The following DISC1 variants were observed in gnomAD, a reference collection of about 807,000 sequenced individuals.
The protein encoded by DISC1 is DISC1 scaffold protein, also known as disrupted in schizophrenia 1 protein.
A neutral mutation model predicts 84.5 loss-of-function variants in DISC1; 57 were observed. That is an observed-to-expected ratio of 0.67 (90% CI 0.55 to 0.84). The LOEUF (loss-of-function observed/expected upper bound fraction) is 0.84. DISC1 is among the 40% of genes least tolerant of loss of function. The pLI is 0.00. For synonymous variants in DISC1, 411 were observed against 415.2 expected, an observed-to-expected ratio of 0.99 and a Z score of 0.12; for missense variants, 1,000 against 1,057.8, an observed-to-expected ratio of 0.95 and a Z score of 0.76.
chr1:231,723,184 T>C (rs2070103366), intron 3 of DISC1: 1 of 850,890 alleles, frequency 1.2e-6, no homozygotes, highest in Non-Finnish European at 1.4e-6. Flanking sequence ...ACTTGGCGAA[T>C]GCTGTATTTT....
At chr1:231,984,493 A>T (rs1180178632) in intron 10 of DISC1, among the ~76,000 whole-genome samples, 1 of 152,190 alleles carries the variant, frequency 6.6e-6, no homozygotes, top group African/African-American at 2.4e-5. Context: ...TCCCTAGTGG[A>T]TGGGGGGCGT....
intron 9 of DISC1, among the ~76,000 whole-genome samples, chr1:231,903,063 C>A (rs2088315864): frequency 7.0e-6 from 1 of 143,356 alleles, no homozygotes; most frequent in Admixed American, 7.2e-5. Context: ...CCTTTTCTCT[C>A]TCTCATTTTT....
In DISC1 at chr1:231,861,134, G is replaced by T. The variant is rs118143572; in HGVS notation, c.1981+42617G>T. On this transcript the variant is annotated intron_variant, in intron 9 of 12. Transcript: ENST00000439617. ...AACATGAGAAACAGGAGCTTCATCTGGGCTCTGTGATGGTGCCGTTGTATG... is the reference window on the plus strand; with the variant it reads ...AACATGAGAAACAGGAGCTTCATCTTGGCTCTGTGATGGTGCCGTTGTATG... Among the ~76,000 whole-genome samples the T allele has an allele frequency of 8.7e-4, 133 of 152,250 alleles. 1 individual carries two copies. The East Asian group carries it at 0.022, about 25-fold the overall frequency.
chr1:231,833,929 T>C (rs559239912), intron 9 of DISC1, among the ~76,000 whole-genome samples: 367 of 152,250 alleles, frequency 2.4e-3, no homozygotes, highest in Non-Finnish European at 4.2e-3. Flanking sequence ...CCAGAGCAGA[T>C]TGGGTAATAA....
At chr1:231,680,470 A>G (rs192585516) in intron 1 of DISC1, among the ~76,000 whole-genome samples, 11 of 152,316 alleles carry the variant, frequency 7.2e-5, no homozygotes, top group Admixed American at 4.6e-4. Flanking sequence ...GTGGATCACT[A>G]TAACATAGGA....
rs567536924 is a variant in DISC1, at chr1:231,987,568, G to A, written c.2043-21217G>A. 2.6e-5 allele frequency among the ~76,000 whole-genome samples: 4 copies of A among 152,320 alleles called. No individual in the cohort carries two copies. In the South Asian group the frequency reaches 8.3e-4, roughly 32 times the overall value. The stretch of plus-strand genomic sequence containing the variant: ...TCTAAATAGTTTTCCAGAGGTGATA[G>A]ATGAAAGCCAGACAAGAAAAAAATA... On this transcript the variant is annotated intron_variant, in intron 10 of 12. Transcript: ENST00000439617.
At chr1:231,687,997 A>G (rs576517755) in intron 1 of DISC1, among the ~76,000 whole-genome samples, 73 of 152,324 alleles carry the variant, frequency 4.8e-4, no homozygotes, top group Non-Finnish European at 9.6e-4. Flanking sequence ...GGAAAATTCA[A>G]TGGAAGCCTC....
At chr1:231,772,412 C>T (rs199834531) in intron 6 of DISC1, among the ~76,000 whole-genome samples, 52 of 152,152 alleles carry the variant, frequency 3.4e-4, no homozygotes, top group Admixed American at 1.3e-3. Context: ...GAGCAATGGT[C>T]GGCTTGGCCA....
chr1:231,689,397 T>G (rs1348919013), intron 1 of DISC1, among the ~76,000 whole-genome samples: 2 of 151,884 alleles, frequency 1.3e-5, no homozygotes, highest in African/African-American at 2.4e-5. Context: ...AGTGGTGTGG[T>G]CTCGGCTCAC....
intron 3 of DISC1, among the ~76,000 whole-genome samples, chr1:231,710,766 A>G (rs570107558): frequency 1.3e-5 from 2 of 152,258 alleles, no homozygotes; most frequent in East Asian, 3.9e-4. Flanking sequence ...AATAGGATGC[A>G]TCCTTGTGAC....
intron 5 of DISC1, among the ~76,000 whole-genome samples, chr1:231,769,121 T>C (rs1334712815): frequency 6.6e-6 from 1 of 152,212 alleles, no homozygotes; most frequent in Non-Finnish European, 1.5e-5. Flanking sequence ...TGTTAAGCAG[T>C]GAAGTGACAT....
At chr1:231,742,572 T>G (rs1258486494) in intron 3 of DISC1, among the ~76,000 whole-genome samples, 1 of 151,810 alleles carries the variant, frequency 6.6e-6, no homozygotes, top group Admixed American at 6.6e-5. Flanking sequence ...CAGGAGTTTG[T>G]GATCAGCCTG....
intron 9 of DISC1, among the ~76,000 whole-genome samples, chr1:231,858,713 C>A (rs755405455): frequency 2.0e-5 from 3 of 151,990 alleles, no homozygotes; most frequent in Non-Finnish European, 2.9e-5. Flanking sequence ...GTCCAAGTTT[C>A]TTCCTCATGT....
chr1:231,871,983 A>G (rs2085497739), intron 9 of DISC1, among the ~76,000 whole-genome samples: 1 of 152,190 alleles, frequency 6.6e-6, no homozygotes, highest in South Asian at 2.1e-4. Flanking sequence ...ACCACAGTGG[A>G]CACCTGGACT....
intron 12 of DISC1, among the ~76,000 whole-genome samples, chr1:232,029,554 C>G (rs906975573): frequency 1.3e-5 from 2 of 152,154 alleles, no homozygotes; most frequent in East Asian, 3.9e-4. Context: ...AGCTTGTTGT[C>G]AACAATACAG....
At chr1:231,913,506 G>C (rs1347343027) in intron 9 of DISC1, among the ~76,000 whole-genome samples, 2 of 152,194 alleles carry the variant, frequency 1.3e-5, no homozygotes, top group Non-Finnish European at 2.9e-5. Context: ...GGGTGAGGCA[G>C]CCGAGGTGCC....
At position 231,795,170 on chromosome 1, in the gene DISC1, A is replaced by G. The variant is rs2078659545; in HGVS notation, c.1635-72A>G. 2.8e-6 allele frequency: 4 copies of G among 1,436,942 alleles called. 1 individual carries two copies. The African/African-American group carries it at 5.6e-5, about 20-fold the overall frequency. 89.0% of individuals were successfully genotyped at this position (1,436,942 alleles called of 1,614,324 possible). ...GACCAGTGGAAGGTTCACTTTTTGC[A>G]GTGTTCCTAACTGTAGTGGTATTGA... On this transcript the variant is annotated intron_variant, in intron 6 of 12. Transcript: ENST00000439617.
intron 9 of DISC1, among the ~76,000 whole-genome samples, chr1:231,894,939 A>C (rs2087568224): frequency 6.6e-6 from 1 of 152,050 alleles, no homozygotes; most frequent in African/African-American, 2.4e-5. Context: ...ACACCCACAC[A>C]CACACACACG....
chr1:231,759,614 G>A (rs991469988), intron 4 of DISC1, among the ~76,000 whole-genome samples: 1 of 151,852 alleles, frequency 6.6e-6, no homozygotes, highest in African/African-American at 2.4e-5. Context: ...GCTAAGTCAG[G>A]AGGATTGCTT....
Sources: gnomAD v4.1 joint callset for allele counts (sites outside exome capture counted in the v4.1 genomes callset) on GRCh38, gnomAD v4.1.1 for gene constraint, MANE v1.5 for transcripts, NCBI Gene and HGNC (gene_info 2026-07-23, HGNC 2026-07-21) for gene names.